TUT4: variants seen among roughly 807,000 people sequenced by gnomAD.
TUT4 encodes the protein terminal uridylyl transferase 4, also known as terminal uridylyltransferase 4.
In TUT4, 36 loss-of-function variants were observed where a neutral mutation model predicts 192.2. The ratio of observed to expected loss-of-function variants is 0.19; its 90% CI spans 0.14 to 0.25. The LOEUF (loss-of-function observed/expected upper bound fraction) is 0.25, where lower values mean the gene tolerates loss of function less well. Ranked by LOEUF, TUT4 falls within the 10% of genes least tolerant of loss-of-function variation. TUT4 has a pLI of 1.00. For missense variants in TUT4, 1,493 were observed against 1,957.2 expected, an observed-to-expected ratio of 0.76 and a Z score of 4.47; for synonymous variants, 618 against 666.0, an observed-to-expected ratio of 0.93 and a Z score of 1.11.
chr1:52,526,254 A>C lies in TUT4; in HGVS notation c.27T>G (p.Ser9Arg). 6.3e-7 allele frequency: 1 copy of C among 1,577,178 alleles called. No individual in the cohort carries two copies. The highest frequency in any genetic ancestry group is 1.4e-5 in the African/African-American group (1 of 73,082). MEESKTLK[S>R]ENHEPKKNVI... The stretch of plus-strand genomic sequence containing the variant: ...CATTCTTCTTTGGTTCATGATTTTC[A>C]CTTTTTAAGGTTTTAGACTCTTCCA... The change falls in exon 2 of 30, where the codon AGT becomes AGG. Residue 9 changes from serine (S) to arginine (R), a missense_variant. This residue lies in a region of TUT4 where 260 missense variants were observed against 247.8 expected (regional missense o/e 1.05). Coordinates refer to ENST00000257177, the MANE Select transcript of TUT4 (RefSeq NM_001009881.3).
intron 14 of TUT4, among the ~76,000 whole-genome samples, chr1:52,471,684 G>C (rs192046443): frequency 6.0e-4 from 91 of 152,242 alleles, no homozygotes; most frequent in Non-Finnish European, 9.6e-4. Flanking sequence ...AAAGTTAAAA[G>C]CCACATAGGC....
chr1:52,439,068 TAAAAAA>T (rs984014427), intron 24 of TUT4, among the ~76,000 whole-genome samples: 1 of 79,292 alleles, frequency 1.3e-5, no homozygotes, highest in Non-Finnish European at 2.4e-5. Flanking sequence ...AGACTCCATC[TAAAAAA>T]AAAAAAAAAA....
chr1:52,547,683 T>C (rs1688435277), intron 1 of TUT4, among the ~76,000 whole-genome samples: 1 of 152,212 alleles, frequency 6.6e-6, no homozygotes, highest in Admixed American at 6.5e-5. Context: ...AAGGTAATAC[T>C]ATTCAGCCAG....
intron 1 of TUT4, among the ~76,000 whole-genome samples, chr1:52,549,040 T>A (rs79087646): frequency 0.013 from 2,043 of 152,286 alleles, 47 homozygotes; most frequent in African/African-American, 0.047. Context: ...GACAGTAAGA[T>A]TTGGATCACA....
chr1:52,505,418 CTTTTT>C (rs35140317), intron 4 of TUT4, among the ~76,000 whole-genome samples: 2 of 109,532 alleles, frequency 1.8e-5, no homozygotes, highest in African/African-American at 7.7e-5. Flanking sequence ...TTTGCTTAGA[CTTTTT>C]TTTTTTTTTT....
Position 52,445,789 on chromosome 1 carries a change from C to T in TUT4, c.3820G>A (p.Ala1274Thr), listed in dbSNP as rs1284403579. The change falls in exon 24 of 30, where the codon GCT becomes ACT. Residue 1274 changes from alanine to threonine, a missense_variant and splice_region_variant. Transcript: ENST00000257177. ...TPFYPLIGRE[A>T]EYFFDSRVLT... Reference sequence around the variant, plus strand: ...CAATTCATATAATGTAAACTTACAGCTTCTCTGCCAATGAGTGGATAAAAA... The same window carrying T: ...CAATTCATATAATGTAAACTTACAGTTTCTCTGCCAATGAGTGGATAAAAA... 1.9e-6 allele frequency: 3 copies of T among 1,599,564 alleles called. No individual in the cohort carries two copies. The East Asian group carries it at 6.7e-5, about 36-fold the overall frequency.
chr1:52,472,882 A>G (rs1300316920), intron 13 of TUT4, among the ~76,000 whole-genome samples: 1 of 152,144 alleles, frequency 6.6e-6, no homozygotes, highest in East Asian at 1.9e-4. Context: ...CTCCAATGTT[A>G]GCCTGGACAT....
In TUT4 at chr1:52,509,686, C is replaced by T; in HGVS notation, c.909G>A (p.Arg303=). ...GAATTAAGCAAAGTTTGCATAGATA[C>T]CGACAATTGGTATATTCTGGTGATC... ...EKRSPEYTNC[R]YLCKLCLIHI... Residue 303 remains arginine (R), a synonymous_variant, in exon 4 of 30, where the codon CGG becomes CGA. Transcript: ENST00000257177. 1 of 1,611,022 alleles carries T rather than the reference C, an allele frequency of 6.2e-7. No homozygotes were observed. The highest frequency in any genetic ancestry group is 8.5e-7 in the Non-Finnish European group (1 of 1,177,684).
chr1:52,495,266 T>C (rs944841817), intron 6 of TUT4, among the ~76,000 whole-genome samples, 161 bp downstream of exon 6: 20 of 151,608 alleles, frequency 1.3e-4, no homozygotes, highest in African/African-American at 4.9e-4. Flanking sequence ...CCTGCCTTTG[T>C]CTGAAATCTA....
intron 24 of TUT4, among the ~76,000 whole-genome samples, chr1:52,441,444 ATTTTTT>A (rs557710242): frequency 0.011 from 1,350 of 119,954 alleles, 22 homozygotes; most frequent in African/African-American, 0.046. Context: ...TCTCGGCTAA[ATTTTTT>A]TTTTTTTTTT....
chr1:52,552,487 A>G (rs1171075067), intron 1 of TUT4, among the ~76,000 whole-genome samples: 1 of 152,236 alleles, frequency 6.6e-6, no homozygotes, highest in Non-Finnish European at 1.5e-5. Flanking sequence ...ATACATTTAT[A>G]TACATTATGT....
At chr1:52,544,553 TA>T (rs1687583369) in intron 1 of TUT4, among the ~76,000 whole-genome samples, 1 of 152,074 alleles carries the variant, frequency 6.6e-6, no homozygotes, top group Non-Finnish European at 1.5e-5. Context: ...CTAAGAAACC[TA>T]AACTTGTAAC....
intron 9 of TUT4, among the ~76,000 whole-genome samples, chr1:52,482,303 A>G (rs906692996): frequency 7.9e-5 from 12 of 152,158 alleles, no homozygotes; most frequent in African/African-American, 2.9e-4. Flanking sequence ...TCTATTTCCT[A>G]TATAGGTATA....
intron 3 of TUT4, chr1:52,515,433 A>G (rs1678467902): frequency 5.6e-6 from 1 of 177,096 alleles, no homozygotes; most frequent in African/African-American, 2.4e-5. Context: ...ATTTTGGTAG[A>G]CATTTTATGC....
At chr1:52,458,760 A>C (rs757717825) in intron 19 of TUT4, among the ~76,000 whole-genome samples, 2 of 152,200 alleles carry the variant, frequency 1.3e-5, no homozygotes, top group Non-Finnish European at 2.9e-5. Context: ...AGTATAAATT[A>C]ATACAAACAC....
chr1:52,446,087 T>TA, intron 22 of TUT4, 83 bp from the exon 23 acceptor site: 1 of 1,346,612 alleles, frequency 7.4e-7, no homozygotes, highest in African/African-American at 1.5e-5. Flanking sequence ...TGAAGTCTAA[T>TA]ACTTATATGT....
At chr1:52,438,491 T>C (rs1026691988) in intron 24 of TUT4, among the ~76,000 whole-genome samples, 156 bp from the exon 25 acceptor site, 4 of 152,176 alleles carry the variant, frequency 2.6e-5, no homozygotes, top group African/African-American at 7.2e-5. Flanking sequence ...GAAAATAAGA[T>C]TCACAATCAT....
At chr1:52,538,654 AAAAAG>A (rs1345344019) in intron 1 of TUT4, 3 of 151,742 alleles carry the variant, frequency 2.0e-5, no homozygotes, top group Admixed American at 6.6e-5. Context: ...CTAAAAAAAA[AAAAAG>A]AAAAGAAAAG....
intron 3 of TUT4, among the ~76,000 whole-genome samples, chr1:52,512,242 G>C (rs777777890): frequency 3.0e-4 from 46 of 152,068 alleles, no homozygotes; most frequent in Non-Finnish European, 6.3e-4. Context: ...ATAGAAAACT[G>C]CCCCACCTGG....
Sources: allele counts gnomAD v4.1 joint callset (sites outside exome capture counted in the v4.1 genomes callset), GRCh38; gene constraint gnomAD v4.1.1; regional missense constraint gnomAD v4.1.1; transcripts MANE v1.5; gene names NCBI Gene and HGNC (gene_info 2026-07-23, HGNC 2026-07-21).